The following LRRC28 variants were observed in gnomAD, a reference collection of about 807,000 sequenced individuals.
The protein encoded by LRRC28 is leucine-rich repeat-containing protein 28.
Under a neutral mutation model 45.7 loss-of-function variants are expected in LRRC28, and 39 were observed. That is an observed-to-expected ratio of 0.85 (90% CI 0.66 to 1.12). LRRC28 has a LOEUF of 1.12. Ranked by LOEUF, LRRC28 falls within the 50% of genes most tolerant of loss-of-function variation. The pLI is 0.00. For missense variants in LRRC28, 435 were observed against 438.5 expected (o/e 0.99, Z 0.07); for synonymous variants, 206 against 178.8 (o/e 1.15, Z -1.22).
At chr15:99,267,626 A>G (rs1157973058) in intron 2 of LRRC28, among the ~76,000 whole-genome samples, 1 of 152,224 alleles carries the variant, frequency 6.6e-6, no homozygotes, top group African/African-American at 2.4e-5. Flanking sequence ...ATAGTAAAGC[A>G]TTCTAATGGT....
chr15:99,274,057 A>G lies in LRRC28; in HGVS notation c.169-2519A>G, dbSNP rs370499658. 2.6e-5 allele frequency among the ~76,000 whole-genome samples: 4 copies of G among 152,252 alleles called. No individual in the cohort carries two copies. The East Asian group carries it at 7.7e-4, about 29-fold the overall frequency. ...ACGGATCCACAAGGAACATCTGAGA[A>G]ATGACTAGTTATGATGGATCTTGTT... On this transcript the variant is annotated intron_variant, in intron 2 of 9. Transcript: ENST00000301981.
At chr15:99,284,386 G>T (rs2081898970) in intron 3 of LRRC28, among the ~76,000 whole-genome samples, 1 of 152,014 alleles carries the variant, frequency 6.6e-6, no homozygotes, top group Non-Finnish European at 1.5e-5. Context: ...CCCTTTGTTG[G>T]ACTGCTTTAC....
Position 99,301,757 on chromosome 15 carries a change from T to A in LRRC28, c.385+13806T>A, listed in dbSNP as rs553774110. On this transcript the variant is annotated intron_variant, in intron 5 of 9. Transcript: ENST00000301981. ...GAGGTGACATAATAGGGTGTGAGAG[T>A]TTACATATTACCAGTGTTTGTTTCC... 4.9e-4 allele frequency among the ~76,000 whole-genome samples: 75 copies of A among 152,090 alleles called. 1 individual carries two copies. Among genetic ancestry groups the A allele is most frequent in the Admixed American group, 1.3e-3 (20 of 15,250 alleles).
intron 3 of LRRC28, among the ~76,000 whole-genome samples, chr15:99,279,761 A>G (rs1258607026): frequency 6.6e-6 from 1 of 152,164 alleles, no homozygotes; most frequent in Admixed American, 6.5e-5. Context: ...CCTTAGGTTC[A>G]TTTCCAGAGT....
Position 99,362,922 on chromosome 15 carries a change from T to TA in LRRC28, c.872-174dup, listed in dbSNP as rs926171291. Among the ~76,000 whole-genome samples the TA allele has an allele frequency of 1.9e-4, 29 of 150,980 alleles. No individual in the cohort carries two copies. The South Asian group carries it at 2.3e-3, about 12-fold the overall frequency. On this transcript the variant is annotated intron_variant, in intron 8 of 9. Coordinates refer to ENST00000301981, the MANE Select transcript of LRRC28 (RefSeq NM_144598.5). ...GTGTTTTCTTTTAGTATCAAAAATA[T>TA]AAAAAAAAAATTTCATTTTCAAATG...
At chr15:99,369,560 G>C (rs1046965413) in intron 9 of LRRC28, among the ~76,000 whole-genome samples, 1 of 152,096 alleles carries the variant, frequency 6.6e-6, no homozygotes, top group Non-Finnish European at 1.5e-5. Context: ...GCAGTCTTAG[G>C]GAGAATACCT....
At chr15:99,279,739 T>G (rs1384960078) in intron 3 of LRRC28, among the ~76,000 whole-genome samples, 3 of 150,170 alleles carry the variant, frequency 2.0e-5, no homozygotes, top group East Asian at 1.9e-4. Context: ...ATTCTCCCTG[T>G]ATTATGGTAA....
chr15:99,375,884 T>TA (rs1433445248), intron 9 of LRRC28, among the ~76,000 whole-genome samples: 6 of 152,246 alleles, frequency 3.9e-5, no homozygotes, highest in African/African-American at 1.2e-4. Flanking sequence ...TTATCAGTTT[T>TA]ATTGTTATTC....
intron 6 of LRRC28, among the ~76,000 whole-genome samples, chr15:99,345,105 A>G (rs1362333418): frequency 6.6e-6 from 1 of 152,152 alleles, no homozygotes; most frequent in Non-Finnish European, 1.5e-5. Context: ...ATTCTCACTA[A>G]ACCTGAGGAC....
intron 6 of LRRC28, among the ~76,000 whole-genome samples, chr15:99,346,316 A>G (rs962528869): frequency 2.6e-5 from 4 of 152,236 alleles, no homozygotes; most frequent in Admixed American, 2.0e-4. Flanking sequence ...AGCTGGAACT[A>G]TAGGCATGTG....
At chr15:99,256,563 A>G (rs1371279541) in intron 2 of LRRC28, among the ~76,000 whole-genome samples, 1 of 152,232 alleles carries the variant, frequency 6.6e-6, no homozygotes, top group Non-Finnish European at 1.5e-5. Context: ...TTTGAAAATT[A>G]AAGCATTAAG....
At chr15:99,265,816 G>C (rs996080645) in intron 2 of LRRC28, among the ~76,000 whole-genome samples, 1 of 152,040 alleles carries the variant, frequency 6.6e-6, no homozygotes, top group Non-Finnish European at 1.5e-5. Flanking sequence ...CAAGAAAAAA[G>C]GCCACAAGAG....
At chr15:99,262,825 C>T (rs1007217538) in intron 2 of LRRC28, among the ~76,000 whole-genome samples, 2 of 151,068 alleles carry the variant, frequency 1.3e-5, no homozygotes, top group Non-Finnish European at 3.0e-5. Flanking sequence ...AGTTTTACAA[C>T]TTTTTATAGA....
chr15:99,363,781 G>A (rs1426914788), intron 9 of LRRC28, among the ~76,000 whole-genome samples: 1 of 152,092 alleles, frequency 6.6e-6, no homozygotes, highest in East Asian at 1.9e-4. Context: ...TTGAATTTGC[G>A]AAGAATGTTC....
chr15:99,339,714 GAAA>G (rs552093424), intron 6 of LRRC28, among the ~76,000 whole-genome samples: 2 of 134,134 alleles, frequency 1.5e-5, no homozygotes, highest in Non-Finnish European at 3.3e-5. Flanking sequence ...AACAGAGTGA[GAAA>G]AAAAAAAAAA....
At chr15:99,383,860 G>C (rs1166228811) in intron 9 of LRRC28, among the ~76,000 whole-genome samples, 2 of 152,116 alleles carry the variant, frequency 1.3e-5, no homozygotes, top group Admixed American at 6.5e-5. Flanking sequence ...TAGCATAGCT[G>C]TCTCATTAGC....
chr15:99,323,250 T>C (rs1955861170), intron 5 of LRRC28, among the ~76,000 whole-genome samples: 1 of 152,210 alleles, frequency 6.6e-6, no homozygotes, highest in Non-Finnish European at 1.5e-5. Flanking sequence ...CTAGGCTGCT[T>C]ATTTGCAGTG....
intron 6 of LRRC28, among the ~76,000 whole-genome samples, chr15:99,350,360 G>T (rs1357407968): frequency 6.6e-6 from 1 of 152,088 alleles, no homozygotes; most frequent in African/African-American, 2.4e-5. Context: ...AGTAAGACCA[G>T]CAGGAAGTAA....
At chr15:99,326,907 T>G (rs1387814575) in intron 5 of LRRC28, among the ~76,000 whole-genome samples, 2 of 152,236 alleles carry the variant, frequency 1.3e-5, no homozygotes, top group Non-Finnish European at 2.9e-5. Flanking sequence ...TAGAATGAGT[T>G]GGAAAGTTTT....
Sources: allele counts gnomAD v4.1 joint callset (sites outside exome capture counted in the v4.1 genomes callset), GRCh38; gene constraint gnomAD v4.1.1; transcripts MANE v1.5; gene names NCBI Gene and HGNC (gene_info 2026-07-23, HGNC 2026-07-21).